UNKL: variants seen among roughly 807,000 people sequenced by gnomAD.
The protein encoded by UNKL is putative E3 ubiquitin-protein ligase UNKL.
UNKL carries 60 observed loss-of-function variants against 78.0 expected under a neutral mutation model. The ratio of observed to expected loss-of-function variants is 0.77; its 90% CI spans 0.63 to 0.95. UNKL has a LOEUF of 0.95. Among genes scored for constraint, UNKL ranks in the 40% least tolerant of loss-of-function variants. The probability of loss-of-function intolerance (pLI) is 0.00; values close to 1 mark genes in which losing one functional copy is unlikely to be tolerated. For missense variants in UNKL, 1,159 were observed against 1,045.7 expected, an observed-to-expected ratio of 1.11 and a Z score of -1.49; for synonymous variants, 608 against 474.8, an observed-to-expected ratio of 1.28 and a Z score of -3.65.
intron 5 of UNKL, chr16:1,398,428 G>A: frequency 9.5e-7 from 1 of 1,048,948 alleles, no homozygotes; most frequent in African/African-American, 1.7e-5. Flanking sequence ...ACACTAATTT[G>A]TGGTTTGTTC....
rs772283841 is a variant in UNKL at position 1,366,355 on chromosome 16, C to T, written c.2087G>A (p.Arg696Gln). The change falls in exon 15 of 15, where the codon CGG becomes CAG. Residue 696 changes from arginine to glutamine, a missense_variant. By Grantham distance (43) the Arg-to-Gln change is conservative (BLOSUM62 1). Coordinates refer to ENST00000389221, the MANE Select transcript of UNKL (RefSeq NM_001372107.1). ...CAGGACAGCACCGTGGGCCCGCTCC[C>T]GGCAGGCCACACACTGCTTGGCGCG... is the stretch of plus-strand genomic sequence containing the variant. ...QLRAKQCVAC[R>Q]ERAHGAVLRP... 38 of 1,604,322 alleles carry T rather than the reference C, an allele frequency of 2.4e-5. 1 individual carries two copies. Among genetic ancestry groups the T allele is most frequent in the South Asian group, 1.2e-4 (11 of 89,924 alleles).
Position 1,367,862 on chromosome 16 carries a change from A to T in UNKL, c.1586-4T>A, listed in dbSNP as rs746439087. ...CTCCCGGGGACACCGTTCAAACCTG[A>T]GTGTGAAACGGTCGATGACGGCCCA... On this transcript the variant is annotated splice_polypyrimidine_tract_variant and splice_region_variant and intron_variant, in intron 12 of 14. Coordinates refer to ENST00000389221, the MANE Select transcript of UNKL (RefSeq NM_001372107.1). 10 of 1,557,886 alleles carry T rather than the reference A, an allele frequency of 6.4e-6. No individual in the cohort carries two copies. Among genetic ancestry groups the T allele is most frequent in the Non-Finnish European group, 6.9e-6 (8 of 1,151,290 alleles).
At chr16:1,382,767 G>C (rs113457859) in intron 10 of UNKL, among the ~76,000 whole-genome samples, 59 of 151,826 alleles carry the variant, frequency 3.9e-4, no homozygotes, top group African/African-American at 1.4e-3. Context: ...AGACCAGCCT[G>C]GCCAACGTGG....
intron 2 of UNKL, among the ~76,000 whole-genome samples, chr16:1,405,088 G>T (rs1247579054): frequency 6.6e-6 from 1 of 152,010 alleles, no homozygotes; most frequent in Admixed American, 6.6e-5. Context: ...CAGCTACTTG[G>T]GAGGCTGAGG....
chr16:1,384,892 A>C (rs58172292), intron 10 of UNKL, among the ~76,000 whole-genome samples: 2 of 151,992 alleles, frequency 1.3e-5, no homozygotes, highest in African/African-American at 4.8e-5. Context: ...CAACTCCCAC[A>C]ACTCCCATCA....
intron 10 of UNKL, among the ~76,000 whole-genome samples, chr16:1,376,277 G>A (rs578025586): frequency 7.5e-6 from 1 of 132,938 alleles, no homozygotes; most frequent in South Asian, 2.5e-4. Context: ...TCCAGGGCTG[G>A]GGCACGCTCC....
At chr16:1,385,097 A>T in intron 10 of UNKL, 111 bp downstream of exon 10, 1 of 909,236 alleles carries the variant, frequency 1.1e-6, no homozygotes, top group Non-Finnish European at 1.4e-6. Context: ...TGGCTTCTCT[A>T]CAAAAATGAC....
intron 5 of UNKL, chr16:1,398,546 G>GA: frequency 2.2e-6 from 3 of 1,351,920 alleles, no homozygotes; most frequent in Non-Finnish European, 1.9e-6. Flanking sequence ...GTGCTCTCCG[G>GA]GGCATGCGAG....
At chr16:1,375,039 C>G (rs1248387635) in intron 10 of UNKL, among the ~76,000 whole-genome samples, 1 of 152,184 alleles carries the variant, frequency 6.6e-6, no homozygotes, top group Non-Finnish European at 1.5e-5. Context: ...GCAGCTGGCA[C>G]CAGTCAGCGC....
At chr16:1,390,833 C>A in intron 8 of UNKL, 139 bp from the exon 9 acceptor site, 1 of 839,400 alleles carries the variant, frequency 1.2e-6, no homozygotes, top group Non-Finnish European at 1.8e-6. Context: ...AGTTCGAGAC[C>A]AGCCTGGCCA....
In UNKL at chr16:1,363,700, T is replaced by C. The variant is rs998833896; in HGVS notation, c.*2540A>G. On this transcript the variant is annotated 3_prime_UTR_variant, in exon 15 of 15. Coordinates refer to ENST00000389221, the MANE Select transcript of UNKL (RefSeq NM_001372107.1). ...CACCTAGGAGCCATCCCTGAGGCCA[T>C]GGCCACCAAGACAGGTGAGGGAGGC... is the stretch of plus-strand genomic sequence containing the variant. The C allele has an allele frequency of 5.9e-6, 1 of 168,718 alleles. No homozygotes were observed. The highest frequency in any genetic ancestry group is 1.3e-5 in the Non-Finnish European group (1 of 77,478). The allele number at this position is 168,718 out of a possible 1,614,324, so 10.5% of individuals were successfully genotyped here. A position where few individuals can be genotyped will look rare whatever the true frequency, so the allele number is the denominator to read the frequency against.
At chr16:1,371,469 G>C (rs1290384593) in intron 11 of UNKL, 50 bp downstream of exon 11, 5 of 1,513,684 alleles carry the variant, frequency 3.3e-6, no homozygotes, top group African/African-American at 1.4e-5. Context: ...CACAGCACTT[G>C]GCTGTTCAGC....
In UNKL at chr16:1,392,984, G is replaced by C. The variant is rs1033966481; in HGVS notation, c.938-8C>G. 1 of 1,550,466 alleles carries C rather than the reference G, an allele frequency of 6.4e-7. No homozygotes were observed. Among genetic ancestry groups the C allele is most frequent in the Non-Finnish European group, 8.7e-7 (1 of 1,146,970 alleles). ...TCACCATCCCCAGGCTCTCTGCAAG[G>C]ACAGGGGAGCAGCAGACTCTGAGGG... On this transcript the variant is annotated splice_polypyrimidine_tract_variant and splice_region_variant and intron_variant, in intron 7 of 14. Coordinates refer to ENST00000389221, the MANE Select transcript of UNKL (RefSeq NM_001372107.1).
intron 12 of UNKL, 54 bp from the exon 13 acceptor site, chr16:1,367,912 G>A: frequency 2.7e-6 from 4 of 1,466,644 alleles, no homozygotes; most frequent in Non-Finnish European, 1.8e-6. Flanking sequence ...GCGGCCTGGT[G>A]GGATTGGTGG....
chr16:1,410,643 G>C (rs551927284), intron 2 of UNKL, among the ~76,000 whole-genome samples: 2 of 152,302 alleles, frequency 1.3e-5, no homozygotes, highest in African/African-American at 4.8e-5. Context: ...GGTCAGACAG[G>C]CTGGGTGCTC....
At chr16:1,383,699 G>A in intron 10 of UNKL, 1 of 400,012 alleles carries the variant, frequency 2.5e-6, no homozygotes, top group Non-Finnish European at 5.3e-6. Context: ...AGAAGCTGCG[G>A]CTCTCGGGCA....
At chr16:1,367,495 TCCCTCCCTCCCTCCCTCC>T (rs1293244586) in intron 13 of UNKL, 143 bp downstream of exon 13, 7 of 97,070 alleles carry the variant, frequency 7.2e-5, no homozygotes, top group South Asian at 1.6e-4. Flanking sequence ...CCTCCCTCCC[TCCCTCCCTCCCTCCCTCC>T]CCCTCCCGTC....
rs1351126786 is a variant in UNKL, at chr16:1,399,830, G to T, written c.599-321C>A. On this transcript the variant is annotated intron_variant, in intron 4 of 14. Transcript: ENST00000389221. The surrounding 1 kb of genome is among the most constrained non-coding windows in gnomAD (Gnocchi z 5.8). ...TGGGTGTGCGGCTTCCTTGCTGGGG[G>T]ATGAAAATGTTCTCCAACTAGAGAG... Among the ~76,000 whole-genome samples the T allele has an allele frequency of 6.6e-6, 1 of 152,150 alleles. No individual in the cohort carries two copies. The highest frequency in any genetic ancestry group is 1.9e-4 in the East Asian group (1 of 5,182).
intron 4 of UNKL, among the ~76,000 whole-genome samples, chr16:1,400,450 A>G (rs1469306818): frequency 8.6e-6 from 1 of 116,774 alleles, no homozygotes; most frequent in Non-Finnish European, 1.8e-5. Context: ...AAAAAAAAAA[A>G]AAAAATCGCT....
Sources: allele counts gnomAD v4.1 joint callset (sites outside exome capture counted in the v4.1 genomes callset), GRCh38; gene constraint gnomAD v4.1.1; non-coding constraint Gnocchi (gnomAD v3.1); transcripts MANE v1.5; gene names NCBI Gene and HGNC (gene_info 2026-07-23, HGNC 2026-07-21).